Variants in OSBPL3 observed in about 807,000 individuals in gnomAD.
OSBPL3 encodes oxysterol binding protein like 3.
OSBPL3 carries 65 observed loss-of-function variants against 120.1 expected under a neutral mutation model. The ratio of observed to expected loss-of-function variants is 0.54; its 90% CI spans 0.44 to 0.67. OSBPL3 has a LOEUF of 0.67. Among genes scored for constraint, OSBPL3 ranks in the 30% least tolerant of loss-of-function variants. OSBPL3 has a pLI of 0.00. For synonymous variants in OSBPL3, 416 were observed against 402.6 expected, an observed-to-expected ratio of 1.03 and a Z score of -0.40; for missense variants, 1,004 against 1,082.1, an observed-to-expected ratio of 0.93 and a Z score of 1.01.
Position 24,898,948 on chromosome 7 carries a change from C to T in OSBPL3, c.-149-6327G>A, listed in dbSNP as rs964305094. On this transcript the variant is annotated intron_variant, in intron 1 of 22. Coordinates refer to ENST00000313367, the MANE Select transcript of OSBPL3 (RefSeq NM_015550.4). This position sits in a 1 kb window ranked among gnomAD's most constrained non-coding sequence, Gnocchi z 4.3. ...TCATCATTTAGAGCTGAAATAATGA[C>T]TCACTATAATTTCATGCGCTGCTCC... 2.6e-5 allele frequency among the ~76,000 whole-genome samples: 4 copies of T among 152,152 alleles called. No individual in the cohort carries two copies. Among genetic ancestry groups the T allele is most frequent in the African/African-American group, 9.7e-5 (4 of 41,434 alleles).
In OSBPL3 at chr7:24,821,731, C is replaced by G. The variant is rs1210435286; in HGVS notation, c.1885-1493G>C. Among the ~76,000 whole-genome samples, 1 of 152,232 alleles carries G rather than the reference C, an allele frequency of 6.6e-6. No homozygotes were observed. The highest frequency in any genetic ancestry group is 1.5e-5 in the Non-Finnish European group (1 of 68,040). Reference sequence around the variant, plus strand: ...CAAAGCAGGAGACTCAAATCTGCTGCTCTTTGGTTTGTCTTAGTTCCCATG... The same window carrying G: ...CAAAGCAGGAGACTCAAATCTGCTGGTCTTTGGTTTGTCTTAGTTCCCATG... On this transcript the variant is annotated intron_variant, in intron 16 of 22. Transcript: ENST00000313367. The surrounding 1 kb of genome is among the most constrained non-coding windows in gnomAD (Gnocchi z 5.5).
chr7:24,875,303 T>TA (rs1196218226), intron 2 of OSBPL3, among the ~76,000 whole-genome samples: 1 of 152,222 alleles, frequency 6.6e-6, no homozygotes, highest in Non-Finnish European at 1.5e-5. Flanking sequence ...TAGAGAACGA[T>TA]ATTGCTGAAG....
Position 24,834,286 on chromosome 7 carries a change from A to G in OSBPL3, c.1746+200T>C. On this transcript the variant is annotated intron_variant, in intron 15 of 22. Coordinates refer to ENST00000313367, the MANE Select transcript of OSBPL3 (RefSeq NM_015550.4). The surrounding 1 kb of genome is among the most constrained non-coding windows in gnomAD (Gnocchi z 5.2). ...CCAAGTGCCACGGAGAAGCACCCCAACCCCGTCTCCAAATCCTCACAAGGT... is the reference window on the plus strand; with the variant it reads ...CCAAGTGCCACGGAGAAGCACCCCAGCCCCGTCTCCAAATCCTCACAAGGT... The G allele has an allele frequency of 7.1e-7, 1 of 1,412,876 alleles. No homozygotes were observed. The highest frequency in any genetic ancestry group is 9.3e-7 in the Non-Finnish European group (1 of 1,078,434). 87.5% of individuals were successfully genotyped at this position (1,412,876 alleles called of 1,614,324 possible). A position where few individuals can be genotyped will look rare whatever the true frequency, so the allele number is the denominator to read the frequency against.
At chr7:24,859,542 T>TA (rs904625762) in intron 10 of OSBPL3, among the ~76,000 whole-genome samples, 15 of 152,174 alleles carry the variant, frequency 9.9e-5, no homozygotes, top group Non-Finnish European at 2.2e-4. Context: ...TCTACAACTA[T>TA]AAAAAATAAC....
At chr7:24,908,130 AG>A (rs1376302418) in intron 1 of OSBPL3, among the ~76,000 whole-genome samples, 3 of 152,204 alleles carry the variant, frequency 2.0e-5, no homozygotes, top group Non-Finnish European at 2.9e-5. Context: ...AAATATTTCT[AG>A]TACCATAGAG....
intron 1 of OSBPL3, among the ~76,000 whole-genome samples, chr7:24,897,146 A>C (rs1806265844): frequency 6.6e-6 from 1 of 151,956 alleles, no homozygotes; most frequent in Non-Finnish European, 1.5e-5. Flanking sequence ...GGAAAATTAG[A>C]AGGATTAAAT....
At position 24,938,441 on chromosome 7, in the gene OSBPL3, T is replaced by G. The variant is rs1055631207; in HGVS notation, c.-150+41445A>C. On this transcript the variant is annotated intron_variant, in intron 1 of 22. Transcript: ENST00000313367. This position sits in a 1 kb window ranked among gnomAD's most constrained non-coding sequence, Gnocchi z 5.8. ...CAGCCTGAACTACTACATTGCCACA[T>G]GAAAATCCACAGGTAGGCATTCCAA... Among the ~76,000 whole-genome samples the G allele has an allele frequency of 6.6e-6, 1 of 152,232 alleles. No homozygotes were observed. Among genetic ancestry groups the G allele is most frequent in the African/African-American group, 2.4e-5 (1 of 41,452 alleles).
rs1562988810 is a variant in OSBPL3 at position 24,936,881 on chromosome 7, G to C, written c.-150+43005C>G. Among the ~76,000 whole-genome samples, 2 of 152,182 alleles carry C rather than the reference G, an allele frequency of 1.3e-5. No homozygotes were observed. The highest frequency in any genetic ancestry group is 2.9e-5 in the Non-Finnish European group (2 of 68,040). On this transcript the variant is annotated intron_variant, in intron 1 of 22. Coordinates refer to ENST00000313367, the MANE Select transcript of OSBPL3 (RefSeq NM_015550.4). This position sits in a 1 kb window ranked among gnomAD's most constrained non-coding sequence, Gnocchi z 4.2. ...TTGGAATGAGAGAATGGAATAGGAA[G>C]ATAAATTATTGAGCTCTTAAAACTA...
At chr7:24,905,861 G>A (rs887067002) in intron 1 of OSBPL3, among the ~76,000 whole-genome samples, 5 of 152,150 alleles carry the variant, frequency 3.3e-5, no homozygotes, top group African/African-American at 1.2e-4. Flanking sequence ...TTGAAACCCT[G>A]TCTCTACTAA....
In OSBPL3 at chr7:24,976,366, AAC is replaced by A. The variant is rs558135149; in HGVS notation, c.-150+3518_-150+3519del. ...AAATAATTTACCTGACCATGGAAAA[AAC>A]AGAGACAGAGGTAGGAAAACCCACC... On this transcript the variant is annotated intron_variant, in intron 1 of 22. Transcript: ENST00000313367. Among the ~76,000 whole-genome samples the A allele has an allele frequency of 2.0e-5, 3 of 152,308 alleles. No homozygotes were observed. The South Asian group carries it at 6.2e-4, about 32-fold the overall frequency.
In OSBPL3 at chr7:24,818,847, G is replaced by T. The variant is rs1366067771; in HGVS notation, c.1948+1328C>A. On this transcript the variant is annotated intron_variant, in intron 17 of 22. Coordinates refer to ENST00000313367, the MANE Select transcript of OSBPL3 (RefSeq NM_015550.4). This position sits in a 1 kb window ranked among gnomAD's most constrained non-coding sequence, Gnocchi z 4.0. ...CCATGGAAATAGGTAGATTGCTCAG[G>T]AAAAGGCTGATGGGGAAGTATGGCC... Among the ~76,000 whole-genome samples the T allele has an allele frequency of 8.5e-5, 13 of 152,172 alleles. No homozygotes were observed. Among genetic ancestry groups the T allele is most frequent in the African/African-American group, 3.1e-4 (13 of 41,430 alleles).
intron 2 of OSBPL3, among the ~76,000 whole-genome samples, chr7:24,890,800 A>G (rs1413483723): frequency 6.6e-6 from 1 of 152,228 alleles, no homozygotes; most frequent in Non-Finnish European, 1.5e-5. Context: ...AAGTCAGAAA[A>G]AAGTTGAGGC....
At chr7:24,810,696 A>G (rs1374028185) in intron 19 of OSBPL3, among the ~76,000 whole-genome samples, 1 of 151,862 alleles carries the variant, frequency 6.6e-6, no homozygotes, top group East Asian at 1.9e-4. Context: ...CCTCCCCTCC[A>G]CCCCTGGCAA....
At chr7:24,934,064 T>C (rs1055691766) in intron 1 of OSBPL3, among the ~76,000 whole-genome samples, 2 of 152,174 alleles carry the variant, frequency 1.3e-5, no homozygotes, top group South Asian at 2.1e-4. Context: ...AGTTCAAGCT[T>C]GTAACTGATG....
chr7:24,836,657 A>T (rs190145228), intron 14 of OSBPL3, among the ~76,000 whole-genome samples: 2 of 152,200 alleles, frequency 1.3e-5, no homozygotes, highest in African/African-American at 4.8e-5. Flanking sequence ...TATATCAATA[A>T]ACATACTTTG....
Position 24,863,349 on chromosome 7 carries a change from G to A in OSBPL3, c.778-57C>T. 2 of 1,496,640 alleles carry A rather than the reference G, an allele frequency of 1.3e-6. No homozygotes were observed. The highest frequency in any genetic ancestry group is 1.9e-6 in the Non-Finnish European group (2 of 1,073,032). The allele number at this position is 1,496,640 out of a possible 1,614,324, so 92.7% of individuals were successfully genotyped here. On this transcript the variant is annotated intron_variant, in intron 8 of 22. Transcript: ENST00000313367. The surrounding 1 kb of genome is among the most constrained non-coding windows in gnomAD (Gnocchi z 5.8). ...CAGTAAAGTCCACCAAACCGACAAG[G>A]ATAAATGCATAGCAAAGTGACCACC...
In OSBPL3 at chr7:24,818,225, C is replaced by G. The variant is rs909303506; in HGVS notation, c.1949-1537G>C. 1.3e-5 allele frequency among the ~76,000 whole-genome samples: 2 copies of G among 152,118 alleles called. No homozygotes were observed. Among genetic ancestry groups the G allele is most frequent in the African/African-American group, 4.8e-5 (2 of 41,412 alleles). ...AGTGATGAAAATGTTCTAAAATTAA[C>G]TGTGCTGATAACTGCACAGTTTATT... is the stretch of plus-strand genomic sequence containing the variant. On this transcript the variant is annotated intron_variant, in intron 17 of 22. Transcript: ENST00000313367. This position sits in a 1 kb window ranked among gnomAD's most constrained non-coding sequence, Gnocchi z 4.0.
chr7:24,828,606 G>GAAGAAAAAAAAAAA (rs1554349905), intron 16 of OSBPL3, among the ~76,000 whole-genome samples: 2 of 32,522 alleles, frequency 6.1e-5, no homozygotes, highest in African/African-American at 1.6e-4. Flanking sequence ...GACTCTGTCT[G>GAAGAAAAAAAAAAA]AAAAAAAAAA....
chr7:24,970,678 T>A (rs1202033735), intron 1 of OSBPL3, among the ~76,000 whole-genome samples: 1 of 152,240 alleles, frequency 6.6e-6, no homozygotes, highest in Non-Finnish European at 1.5e-5. Flanking sequence ...GGGCTGTGGC[T>A]AATTAACATT....
Sources: allele counts gnomAD v4.1 joint callset (sites outside exome capture counted in the v4.1 genomes callset), GRCh38; gene constraint gnomAD v4.1.1; non-coding constraint Gnocchi (gnomAD v3.1); transcripts MANE v1.5; gene names NCBI Gene and HGNC (gene_info 2026-07-23, HGNC 2026-07-21).